ASTN2: variants seen among roughly 807,000 people sequenced by gnomAD.
ASTN2 encodes astrotactin-2.
In ASTN2, 54 loss-of-function variants were observed where a neutral mutation model predicts 139.8. The ratio of observed to expected loss-of-function variants is 0.39; its 90% CI spans 0.31 to 0.48. The LOEUF is 0.48. ASTN2 is among the 20% of genes least tolerant of loss of function. The pLI is 0.95. For missense variants in ASTN2, 1,565 were observed against 1,725.1 expected (o/e 0.91, Z 1.64); for synonymous variants, 756 against 719.5 (o/e 1.05, Z -0.81).
intron 6 of ASTN2, among the ~76,000 whole-genome samples, chr9:117,016,477 TA>T (rs140064423): frequency 0.052 from 7,865 of 151,046 alleles, 509 homozygotes; most frequent in African/African-American, 0.16. Context: ...TAGGAAATGC[TA>T]ATAACTGTGA....
intron 3 of ASTN2, among the ~76,000 whole-genome samples, chr9:117,198,384 A>G (rs1262363589): frequency 6.6e-6 from 1 of 152,104 alleles, no homozygotes; most frequent in African/African-American, 2.4e-5. Context: ...GCTGCATAGT[A>G]TTCCATGGTG....
intron 5 of ASTN2, among the ~76,000 whole-genome samples, chr9:117,040,829 T>A (rs1225740517): frequency 6.6e-6 from 1 of 152,216 alleles, no homozygotes; most frequent in Non-Finnish European, 1.5e-5. Context: ...ATGATTTGTA[T>A]ATCATGCCTG....
intron 10 of ASTN2, among the ~76,000 whole-genome samples, chr9:116,893,525 C>T (rs1212984112): frequency 6.6e-6 from 1 of 152,132 alleles, no homozygotes; most frequent in East Asian, 1.9e-4. Flanking sequence ...CTCTTCCAGC[C>T]TCAGTCCCCC....
intron 19 of ASTN2, among the ~76,000 whole-genome samples, chr9:116,573,034 CATATAT>C (rs768415786): frequency 1.1e-4 from 16 of 148,312 alleles, no homozygotes; most frequent in African/African-American, 3.6e-4. Flanking sequence ...CACACACACA[CATATAT>C]ACACACACAC....
At chr9:116,614,128 T>A (rs1305861193) in intron 19 of ASTN2, among the ~76,000 whole-genome samples, 1 of 152,020 alleles carries the variant, frequency 6.6e-6, no homozygotes, top group Non-Finnish European at 1.5e-5. Context: ...CACAATTGCT[T>A]CAAAGAGAAT....
At chr9:116,898,864 G>C (rs544401931) in intron 10 of ASTN2, among the ~76,000 whole-genome samples, 1 of 152,130 alleles carries the variant, frequency 6.6e-6, no homozygotes, top group East Asian at 1.9e-4. Flanking sequence ...GTAGAGATGG[G>C]TCTCACTATA....
intron 19 of ASTN2, among the ~76,000 whole-genome samples, chr9:116,610,385 A>G (rs1439954321): frequency 6.6e-6 from 1 of 152,194 alleles, no homozygotes; most frequent in African/African-American, 2.4e-5. Flanking sequence ...CGGGTGGATC[A>G]CCAGAGGTCC....
intron 5 of ASTN2, among the ~76,000 whole-genome samples, chr9:117,060,429 AGG>A (rs1491227937): frequency 2.0e-5 from 2 of 100,926 alleles, no homozygotes; most frequent in Non-Finnish European, 3.8e-5. Context: ...GAAGGAAGGA[AGG>A]AAGAGAGAGA....
At chr9:116,742,318 T>C (rs1339331578) in intron 13 of ASTN2, among the ~76,000 whole-genome samples, 1 of 152,222 alleles carries the variant, frequency 6.6e-6, no homozygotes, top group East Asian at 1.9e-4. Flanking sequence ...GGGCAGGTGA[T>C]GGCCTCACAG....
At chr9:116,677,754 T>C (rs2132009277) in intron 16 of ASTN2, among the ~76,000 whole-genome samples, 1 of 152,300 alleles carries the variant, frequency 6.6e-6, no homozygotes, top group African/African-American at 2.4e-5. Context: ...CAGGATCCAG[T>C]ATAAAATGGG....
intron 10 of ASTN2, among the ~76,000 whole-genome samples, chr9:116,953,998 C>T (rs760570572): frequency 2.8e-4 from 42 of 152,188 alleles, no homozygotes; most frequent in Admixed American, 4.6e-4. Context: ...TAAGCTTGGG[C>T]GGGTTACACA....
chr9:116,863,675 C>T lies in ASTN2; in HGVS notation c.1948G>A (p.Gly650Arg), dbSNP rs980015863. The T allele has an allele frequency of 3.1e-6, 5 of 1,613,922 alleles. No homozygotes were observed. The highest frequency in any genetic ancestry group is 1.3e-5 in the African/African-American group (1 of 74,882). ...ETINDLLSSF[G>R]PVRDCSRNNG... ...TTCCGAGAGCAGTCACGAACTGGCC[C>T]GAAGGAAGACAGCAGGTCATTGATG... The change falls in exon 11 of 23, where the codon GGG (glycine) becomes AGG (arginine). Residue 650 changes from glycine to arginine, a missense_variant. This residue lies in a region of ASTN2 where 503 missense variants were observed against 591.7 expected (regional missense o/e 0.85). Transcript: ENST00000313400.
chr9:116,738,089 G>A (rs536937152), intron 13 of ASTN2, among the ~76,000 whole-genome samples: 1 of 151,892 alleles, frequency 6.6e-6, no homozygotes, highest in African/African-American at 2.4e-5. Context: ...CTACTCGGGA[G>A]GCTGAGGCAG....
intron 10 of ASTN2, among the ~76,000 whole-genome samples, chr9:116,884,808 C>CG (rs1398621186): frequency 1.7e-5 from 2 of 120,276 alleles, no homozygotes; most frequent in African/African-American, 6.5e-5. Flanking sequence ...TATCCGCCCC[C>CG]CCCCCACCCA....
At chr9:116,611,032 A>G (rs1588079280) in intron 19 of ASTN2, 1 of 152,300 alleles carries the variant, frequency 6.6e-6, no homozygotes. Context: ...GCAATAGACC[A>G]TCTAGACCAA....
chr9:117,183,032 C>T (rs1044179965), intron 3 of ASTN2, among the ~76,000 whole-genome samples: 4 of 152,150 alleles, frequency 2.6e-5, no homozygotes, highest in Non-Finnish European at 5.9e-5. Flanking sequence ...CTTCTAATTC[C>T]AGCTTAAATC....
At chr9:117,241,207 C>A (rs145920923) in intron 2 of ASTN2, among the ~76,000 whole-genome samples, 1 of 152,136 alleles carries the variant, frequency 6.6e-6, no homozygotes, top group African/African-American at 2.4e-5. Flanking sequence ...TCCTCGGAGT[C>A]GGCATGACTC....
chr9:117,033,933 G>C (rs563250381), intron 6 of ASTN2, among the ~76,000 whole-genome samples: 1 of 152,084 alleles, frequency 6.6e-6, no homozygotes, highest in Non-Finnish European at 1.5e-5. Context: ...AATAATAGTA[G>C]GTTCCCTTCC....
At chr9:116,687,238 A>C in intron 16 of ASTN2, 2 of 998,988 alleles carry the variant, frequency 2.0e-6, no homozygotes, top group Non-Finnish European at 2.4e-6. Context: ...GACAAGCCCC[A>C]GCATGCTGGG....
Sources: gnomAD v4.1 joint callset for allele counts (sites outside exome capture counted in the v4.1 genomes callset) on GRCh38, gnomAD v4.1.1 for gene constraint, gnomAD v4.1.1 regional missense constraint, MANE v1.5 for transcripts, NCBI Gene and HGNC (gene_info 2026-07-23, HGNC 2026-07-21) for gene names.